The following ST8SIA1 variants were observed in gnomAD, a reference collection of about 807,000 sequenced individuals.
The protein encoded by ST8SIA1 is ST8 alpha-N-acetyl-neuraminide alpha-2,8-sialyltransferase 1.
Under a neutral mutation model 35.9 loss-of-function variants are expected in ST8SIA1, and 16 were observed. That is an observed-to-expected ratio of 0.45 (90% CI 0.30 to 0.68). The LOEUF is 0.68. Among genes scored for constraint, ST8SIA1 ranks in the 30% least tolerant of loss-of-function variants. The pLI is 0.09. For synonymous variants in ST8SIA1, 170 were observed against 169.6 expected, an observed-to-expected ratio of 1.00 and a Z score of -0.02; for missense variants, 383 against 453.6, an observed-to-expected ratio of 0.84 and a Z score of 1.41.
At chr12:22,277,429 T>C (rs1312033049) in intron 2 of ST8SIA1, among the ~76,000 whole-genome samples, 1 of 149,218 alleles carries the variant, frequency 6.7e-6, no homozygotes, top group Non-Finnish European at 1.5e-5. Flanking sequence ...TGCAGTGGTG[T>C]GATTTTGGCT....
intron 4 of ST8SIA1, among the ~76,000 whole-genome samples, chr12:22,219,203 T>C (rs1865268866): frequency 1.3e-5 from 2 of 152,322 alleles, no homozygotes; most frequent in South Asian, 4.1e-4. Context: ...TATTATTTTA[T>C]TAAAAGTTCT....
At chr12:22,312,181 C>G (rs1157743323) in intron 1 of ST8SIA1, among the ~76,000 whole-genome samples, 1 of 152,146 alleles carries the variant, frequency 6.6e-6, no homozygotes, top group Non-Finnish European at 1.5e-5. Context: ...GTTAAAATCT[C>G]CCCTCCTGGC....
intron 3 of ST8SIA1, among the ~76,000 whole-genome samples, chr12:22,254,414 T>C (rs1591835837): frequency 6.6e-6 from 1 of 151,894 alleles, no homozygotes; most frequent in Non-Finnish European, 1.5e-5. Context: ...TCCTTTCTCC[T>C]TCACTCATCT....
At chr12:22,276,369 G>A (rs543902054) in intron 2 of ST8SIA1, among the ~76,000 whole-genome samples, 1 of 152,286 alleles carries the variant, frequency 6.6e-6, no homozygotes, top group African/African-American at 2.4e-5. Flanking sequence ...CGAGGTTGTC[G>A]TCTGCTTTCT....
intron 2 of ST8SIA1, among the ~76,000 whole-genome samples, chr12:22,284,929 TA>T (rs1866080074): frequency 6.6e-6 from 1 of 152,248 alleles, no homozygotes; most frequent in South Asian, 2.1e-4. Context: ...AGTCCTCATC[TA>T]TAAAAAAAAG....
intron 4 of ST8SIA1, among the ~76,000 whole-genome samples, chr12:22,230,855 G>C (rs913309661): frequency 2.6e-5 from 4 of 151,998 alleles, no homozygotes; most frequent in African/African-American, 7.2e-5. Context: ...ATTGGGGAGG[G>C]GGTAATGGAA....
At chr12:22,317,267 A>G (rs1158654779) in intron 1 of ST8SIA1, among the ~76,000 whole-genome samples, 4 of 152,230 alleles carry the variant, frequency 2.6e-5, no homozygotes, top group African/African-American at 9.6e-5. Context: ...ATATTGTTAA[A>G]AACAATTTAT....
intron 4 of ST8SIA1, among the ~76,000 whole-genome samples, chr12:22,222,967 C>G (rs1789088503): frequency 6.6e-6 from 1 of 152,104 alleles, no homozygotes; most frequent in African/African-American, 2.4e-5. Flanking sequence ...AATTAACAAG[C>G]CTTTTTGGGA....
intron 1 of ST8SIA1, among the ~76,000 whole-genome samples, chr12:22,296,831 G>T (rs537361908): frequency 1.3e-5 from 2 of 152,174 alleles, no homozygotes; most frequent in Non-Finnish European, 2.9e-5. Flanking sequence ...GGCAGTCATC[G>T]TAAGAACAGC....
intron 3 of ST8SIA1, among the ~76,000 whole-genome samples, chr12:22,252,908 C>T (rs74068773): frequency 0.012 from 1,881 of 152,274 alleles, 48 homozygotes; most frequent in African/African-American, 0.043. Context: ...TACATTTCTA[C>T]GTGTATCAAG....
chr12:22,218,831 T>TAAATA (rs982658342), intron 4 of ST8SIA1, among the ~76,000 whole-genome samples: 9 of 150,646 alleles, frequency 6.0e-5, no homozygotes, highest in Non-Finnish European at 1.0e-4. Flanking sequence ...AAAAAATAAA[T>TAAATA]AAATAAAATA....
At chr12:22,259,701 T>C (rs1865766782) in intron 2 of ST8SIA1, among the ~76,000 whole-genome samples, 1 of 151,872 alleles carries the variant, frequency 6.6e-6, no homozygotes, top group East Asian at 1.9e-4. Flanking sequence ...CTCCTGACCT[T>C]GTGATCCGCC....
chr12:22,246,196 C>T (rs1165244391), intron 4 of ST8SIA1, among the ~76,000 whole-genome samples: 1 of 152,018 alleles, frequency 6.6e-6, no homozygotes, highest in Non-Finnish European at 1.5e-5. Context: ...ACTGAGCCCT[C>T]AATCTGTGGG....
At chr12:22,236,034 ACT>A (rs1027862117) in intron 4 of ST8SIA1, among the ~76,000 whole-genome samples, 1 of 152,092 alleles carries the variant, frequency 6.6e-6, no homozygotes, top group Non-Finnish European at 1.5e-5. Context: ...CAGGACACGC[ACT>A]CTCTGAAAAA....
At chr12:22,277,699 T>C (rs910254487) in intron 2 of ST8SIA1, among the ~76,000 whole-genome samples, 2 of 152,166 alleles carry the variant, frequency 1.3e-5, no homozygotes, top group African/African-American at 4.8e-5. Context: ...TGAATTAGTA[T>C]AGATAACAGA....
intron 4 of ST8SIA1, among the ~76,000 whole-genome samples, chr12:22,225,121 G>A (rs1865341146): frequency 6.6e-6 from 1 of 152,138 alleles, no homozygotes; most frequent in South Asian, 2.1e-4. Flanking sequence ...CTAGAGCCCT[G>A]GAAACTTCAC....
intron 4 of ST8SIA1, among the ~76,000 whole-genome samples, chr12:22,247,557 CTT>C (rs1298202673): frequency 2.6e-5 from 4 of 151,924 alleles, no homozygotes; most frequent in East Asian, 3.9e-4. Context: ...TAAAATTACT[CTT>C]ATAAGAACAA....
At chr12:22,231,992 C>T (rs1431758162) in intron 4 of ST8SIA1, among the ~76,000 whole-genome samples, 1 of 152,154 alleles carries the variant, frequency 6.6e-6, no homozygotes, top group African/African-American at 2.4e-5. Flanking sequence ...AGAATGGTTG[C>T]TAGGGTTATT....
chr12:22,283,590 G>A (rs923119943), intron 2 of ST8SIA1, among the ~76,000 whole-genome samples: 25 of 152,128 alleles, frequency 1.6e-4, no homozygotes, highest in African/African-American at 5.8e-4. Context: ...TAAAAATCCT[G>A]TGTGAAGGTT....
Sources: allele counts gnomAD v4.1 joint callset (sites outside exome capture counted in the v4.1 genomes callset), GRCh38; gene constraint gnomAD v4.1.1; transcripts MANE v1.5; gene names NCBI Gene and HGNC (gene_info 2026-07-23, HGNC 2026-07-21).